The following FBRSL1 variants were observed in gnomAD, a reference collection of about 807,000 sequenced individuals.
FBRSL1 encodes fibrosin-1-like protein.
Under a neutral mutation model 89.6 loss-of-function variants are expected in FBRSL1, and 51 were observed. The observed-to-expected ratio is 0.57, with a 90% CI of 0.45 to 0.72. FBRSL1 has a LOEUF of 0.72. Among genes scored for constraint, FBRSL1 ranks in the 30% least tolerant of loss-of-function variants. The pLI, the probability that FBRSL1 is intolerant of heterozygous loss-of-function variation, is 0.00. For synonymous variants in FBRSL1, 779 were observed against 681.1 expected (o/e 1.14, Z -2.24); for missense variants, 1,618 against 1,451.8 (o/e 1.11, Z -1.86).
intron 5 of FBRSL1, among the ~76,000 whole-genome samples, chr12:132,563,400 A>G (rs1228699192): frequency 5.5e-4 from 26 of 46,926 alleles, no homozygotes; most frequent in South Asian, 1.7e-3. Context: ...TGCACCCCAC[A>G]TCTGGTCCCC....
chr12:132,569,982 C>A lies in FBRSL1; in HGVS notation c.748C>A (p.Leu250Met). 1 of 1,486,282 alleles carries A rather than the reference C, an allele frequency of 6.7e-7. No individual in the cohort carries two copies. The highest frequency in any genetic ancestry group is 1.3e-5 in the South Asian group (1 of 77,230). The allele number at this position is 1,486,282 out of a possible 1,614,324, so 92.1% of individuals were successfully genotyped here. A position where few individuals can be genotyped will look rare whatever the true frequency, so the allele number is the denominator to read the frequency against. The change falls in exon 7 of 19, where the codon CTG (leucine) becomes ATG (methionine). Residue 250 changes from leucine (L) to methionine (M), a missense_variant. Coordinates refer to ENST00000680143, the MANE Select transcript of FBRSL1 (RefSeq NM_001367871.1). ...CGGGCCGGTGCCCAAGGTGTCAGGC[C>A]TGGAGCGCAGCCGCGAGCTCAGCGC... Reference protein sequence around the residue: ...KAGPVPKVSGLERSRELSAES... With the variant: ...KAGPVPKVSGMERSRELSAES...
In FBRSL1 at chr12:132,499,604, G is replaced by A. The variant is rs2032634211; in HGVS notation, c.292-8549G>A. ...AGGCTGTGAGGGGCAGCACCGTGGCGTGGCGGTTCCCGAGAGCCCGTCAGG... is the reference window on the plus strand; with the variant it reads ...AGGCTGTGAGGGGCAGCACCGTGGCATGGCGGTTCCCGAGAGCCCGTCAGG... On this transcript the variant is annotated intron_variant, in intron 1 of 18. Transcript: ENST00000680143. This position sits in a 1 kb window ranked among gnomAD's most constrained non-coding sequence, Gnocchi z 4.3. 6.6e-6 allele frequency among the ~76,000 whole-genome samples: 1 copy of A among 152,168 alleles called. No individual in the cohort carries two copies. The highest frequency in any genetic ancestry group is 1.5e-5 in the Non-Finnish European group (1 of 67,992).
intron 5 of FBRSL1, among the ~76,000 whole-genome samples, chr12:132,549,159 C>T (rs2037939378): frequency 6.6e-6 from 1 of 152,186 alleles, no homozygotes; most frequent in Non-Finnish European, 1.5e-5. Context: ...CCAGAGGCCG[C>T]ACCGTCGCCG....
chr12:132,537,207 G>A (rs1008998180), intron 4 of FBRSL1, among the ~76,000 whole-genome samples: 7 of 152,318 alleles, frequency 4.6e-5, no homozygotes, highest in Non-Finnish European at 1.5e-5. Context: ...TGAAGCCCAC[G>A]GAGTGTGTGG....
intron 5 of FBRSL1, among the ~76,000 whole-genome samples, chr12:132,567,191 A>C (rs1277640264): frequency 1.3e-5 from 2 of 152,144 alleles, no homozygotes; most frequent in Non-Finnish European, 2.9e-5. Flanking sequence ...CGCCAGCAGC[A>C]GCCTTGGTTC....
chr12:132,502,699 C>T (rs2033139085), intron 1 of FBRSL1, among the ~76,000 whole-genome samples: 2 of 151,566 alleles, frequency 1.3e-5, no homozygotes, highest in South Asian at 4.2e-4. Flanking sequence ...TACACCATCC[C>T]CCACCTCCCT....
In FBRSL1 at chr12:132,569,899, C is replaced by T. The variant is rs1306207575; in HGVS notation, c.692-27C>T. 4 of 1,362,748 alleles carry T rather than the reference C, an allele frequency of 2.9e-6. No homozygotes were observed. In the African/African-American group the frequency reaches 6.1e-5, roughly 21 times the overall value. 84.4% of individuals were successfully genotyped at this position (1,362,748 alleles called of 1,614,324 possible). A position where few individuals can be genotyped will look rare whatever the true frequency, so the allele number is the denominator to read the frequency against. ...GGGGCAGGGACGAGGCCCTGCTGGT[C>T]TGAACGCAGCCACCCTCTCTCTGCA... On this transcript the variant is annotated intron_variant, in intron 6 of 18. Transcript: ENST00000680143.
At chr12:132,548,205 C>T (rs1414133999) in intron 5 of FBRSL1, among the ~76,000 whole-genome samples, 173 bp downstream of exon 5, 1 of 152,160 alleles carries the variant, frequency 6.6e-6, no homozygotes, top group Non-Finnish European at 1.5e-5. Context: ...GTGCTGGCCT[C>T]TCCTGGCTGT....
At position 132,566,903 on chromosome 12, in the gene FBRSL1, G is replaced by A. The variant is rs377499243; in HGVS notation, c.646-578G>A. ...GCACATAGCGCGGTGTCCTGTGGGC[G>A]CTGGGCACCAGGCCTGGAGCTCAGC... On this transcript the variant is annotated intron_variant, in intron 5 of 18. Coordinates refer to ENST00000680143, the MANE Select transcript of FBRSL1 (RefSeq NM_001367871.1). Among the ~76,000 whole-genome samples, 7 of 151,504 alleles carry A rather than the reference G, an allele frequency of 4.6e-5. No individual in the cohort carries two copies. In the East Asian group the frequency reaches 1.2e-3, roughly 25 times the overall value.
intron 2 of FBRSL1, chr12:132,511,892 G>A (rs1215851794): frequency 7.2e-5 from 71 of 980,390 alleles, no homozygotes; most frequent in Non-Finnish European, 7.7e-5. Context: ...TCCCAGAAGC[G>A]CAGGGCTTAT....
chr12:132,522,331 G>A (rs909698711), intron 2 of FBRSL1, among the ~76,000 whole-genome samples: 21 of 151,996 alleles, frequency 1.4e-4, no homozygotes, highest in Non-Finnish European at 2.8e-4. Context: ...ATTTTTGGAC[G>A]TGCAGCCTGG....
At chr12:132,572,392 C>A in intron 10 of FBRSL1, 48 bp downstream of exon 10, 1 of 1,543,762 alleles carries the variant, frequency 6.5e-7, no homozygotes, top group Non-Finnish European at 8.8e-7. Context: ...CACGCAGGTC[C>A]TGGCCACGGG....
At chr12:132,563,781 ACGAC>A (rs2039351111) in intron 5 of FBRSL1, among the ~76,000 whole-genome samples, 1 of 47,814 alleles carries the variant, frequency 2.1e-5, no homozygotes, top group Non-Finnish European at 3.6e-5. Context: ...ACACATACCT[ACGAC>A]TGTACACTCA....
At chr12:132,511,352 G>T in intron 2 of FBRSL1, 1 of 985,670 alleles carries the variant, frequency 1.0e-6, no homozygotes, top group Non-Finnish European at 1.2e-6. Context: ...CCTACATGTG[G>T]TCGGGCACAC....
intron 15 of FBRSL1, among the ~76,000 whole-genome samples, chr12:132,579,197 G>C (rs2040584443): frequency 6.6e-6 from 1 of 152,200 alleles, no homozygotes; most frequent in Non-Finnish European, 1.5e-5. Context: ...CAGGGGGCAG[G>C]ATGATTCCTT....
At position 132,567,618 on chromosome 12, in the gene FBRSL1, G is replaced by A. The variant is rs2039718751; in HGVS notation, c.691+92G>A. 8.2e-6 allele frequency: 11 copies of A among 1,344,516 alleles called. No homozygotes were observed. In the Admixed American group the frequency reaches 2.0e-4, roughly 25 times the overall value. The allele number at this position is 1,344,516 out of a possible 1,614,324, so 83.3% of individuals were successfully genotyped here. A position where few individuals can be genotyped will look rare whatever the true frequency, so the allele number is the denominator to read the frequency against. ...GGCAGGACATCCCCCTGAAGTCAGG[G>A]GAGAGATGGTCTTGGCACCTGGGGT... On this transcript the variant is annotated intron_variant, in intron 6 of 18. Coordinates refer to ENST00000680143, the MANE Select transcript of FBRSL1 (RefSeq NM_001367871.1).
At chr12:132,558,274 G>A (rs925591225) in intron 5 of FBRSL1, among the ~76,000 whole-genome samples, 4 of 152,182 alleles carry the variant, frequency 2.6e-5, no homozygotes, top group Non-Finnish European at 4.4e-5. Flanking sequence ...GAGTGTCCCT[G>A]CTGAGCCATG....
At chr12:132,495,436 A>G (rs1247498191) in intron 1 of FBRSL1, among the ~76,000 whole-genome samples, 1 of 152,198 alleles carries the variant, frequency 6.6e-6, no homozygotes, top group Non-Finnish European at 1.5e-5. Context: ...CTGTGAGTCC[A>G]TGCCTGGCCC....
intron 1 of FBRSL1, among the ~76,000 whole-genome samples, chr12:132,495,306 G>A (rs1194438870): frequency 2.6e-5 from 4 of 152,368 alleles, no homozygotes; most frequent in Non-Finnish European, 5.9e-5. Context: ...ATGTGGGGGC[G>A]GGGCTGGGCC....
Sources: gnomAD v4.1 joint callset for allele counts (sites outside exome capture counted in the v4.1 genomes callset) on GRCh38, gnomAD v4.1.1 for gene constraint, Gnocchi (gnomAD v3.1) non-coding constraint, MANE v1.5 for transcripts, NCBI Gene and HGNC (gene_info 2026-07-23, HGNC 2026-07-21) for gene names.